TCF12: variants seen among roughly 807,000 people sequenced by gnomAD.
TCF12 encodes DNA-binding protein HTF4.
A neutral mutation model predicts 86.0 loss-of-function variants in TCF12; 45 were observed. That is an observed-to-expected ratio of 0.52 (90% CI 0.41 to 0.67). The LOEUF is 0.67. Among genes scored for constraint, TCF12 ranks in the 30% least tolerant of loss-of-function variants. TCF12 has a pLI of 0.00. For synonymous variants in TCF12, 330 were observed against 299.6 expected, an observed-to-expected ratio of 1.10 and a Z score of -1.05; for missense variants, 881 against 859.9, an observed-to-expected ratio of 1.02 and a Z score of -0.31.
chr15:57,222,966 AC>A (rs1464599207), intron 8 of TCF12, among the ~76,000 whole-genome samples: 1 of 151,694 alleles, frequency 6.6e-6, no homozygotes, highest in Admixed American at 6.6e-5. Flanking sequence ...GAGAAACAAC[AC>A]AGAAATCCAA....
chr15:57,203,020 A>C (rs746660768), intron 8 of TCF12, among the ~76,000 whole-genome samples: 2 of 152,258 alleles, frequency 1.3e-5, no homozygotes, highest in African/African-American at 4.8e-5. Context: ...TATATAAAAA[A>C]GGATAAGTAT....
chr15:57,034,419 C>G (rs2066381611), intron 3 of TCF12, among the ~76,000 whole-genome samples: 1 of 152,004 alleles, frequency 6.6e-6, no homozygotes, highest in Admixed American at 6.6e-5. Context: ...AATTTGCCAC[C>G]TGTGAAAGGG....
chr15:57,142,322 T>TAGATAGATAGAC (rs1567506268), intron 5 of TCF12, among the ~76,000 whole-genome samples: 2 of 151,902 alleles, frequency 1.3e-5, no homozygotes, highest in Admixed American at 1.3e-4. Flanking sequence ...GATAGATAGA[T>TAGATAGATAGAC]AGATAGATAG....
At chr15:56,918,353 C>CTTTTTA, upstream of TCF12, 1 of 425,740 alleles carries the variant, frequency 2.3e-6, no homozygotes, top group Non-Finnish European at 4.8e-6. Flanking sequence ...GAGGAGGCGC[C>CTTTTTA]ACGGTACCTG....
chr15:57,239,546 G>T (rs1310971090), intron 12 of TCF12, among the ~76,000 whole-genome samples: 1 of 146,644 alleles, frequency 6.8e-6, no homozygotes, highest in East Asian at 2.0e-4. Context: ...TTTGAGGACA[G>T]TAGTTCAGGG....
At chr15:57,155,124 G>A (rs540369051) in intron 5 of TCF12, among the ~76,000 whole-genome samples, 3 of 152,162 alleles carry the variant, frequency 2.0e-5, no homozygotes, top group South Asian at 2.1e-4. Flanking sequence ...TAGAGTCTTC[G>A]TTCATTACCA....
Position 57,072,476 on chromosome 15 carries a change from G to A in TCF12, c.222+8653G>A, listed in dbSNP as rs545245920. Among the ~76,000 whole-genome samples, 17 of 152,256 alleles carry A rather than the reference G, an allele frequency of 1.1e-4. No individual in the cohort carries two copies. The East Asian group carries it at 3.1e-3, about 28-fold the overall frequency. ...TTTGTCAGCATTGATGGGTAATAAA[G>A]ATTAGTGTTACTTTTTCTTCTCTAG... On this transcript the variant is annotated intron_variant, in intron 4 of 20. Transcript: ENST00000333725.
At chr15:57,156,002 G>A (rs1158620533) in intron 5 of TCF12, among the ~76,000 whole-genome samples, 1 of 152,058 alleles carries the variant, frequency 6.6e-6, no homozygotes, top group Non-Finnish European at 1.5e-5. Flanking sequence ...AAATTTCATT[G>A]ACATTTTGTT....
In TCF12 at chr15:57,236,326, A is replaced by G. The variant is rs113032015; in HGVS notation, c.1035+2219A>G. 4.7e-4 allele frequency among the ~76,000 whole-genome samples: 72 copies of G among 152,316 alleles called. 4 individuals carry two copies. Among genetic ancestry groups the G allele is most frequent in the African/African-American group, 1.7e-3 (70 of 41,574 alleles). Reference sequence around the variant, plus strand: ...TCAAAACGTACTGAAAAAGAAAAACATTACATTATCTGGGGATAGGAAGGA... The same window carrying G: ...TCAAAACGTACTGAAAAAGAAAAACGTTACATTATCTGGGGATAGGAAGGA... On this transcript the variant is annotated intron_variant, in intron 12 of 20. Coordinates refer to ENST00000333725, the MANE Select transcript of TCF12 (RefSeq NM_207037.2).
rs572129000 is a variant in TCF12 at position 57,233,549 on chromosome 15, T to C, written c.971-494T>C. Among the ~76,000 whole-genome samples, 5 of 152,138 alleles carry C rather than the reference T, an allele frequency of 3.3e-5. No homozygotes were observed. The South Asian group carries it at 1.0e-3, about 32-fold the overall frequency. On this transcript the variant is annotated intron_variant, in intron 11 of 20. Transcript: ENST00000333725. ...TCTCACTCTCTCAGCTCTCTCACTC[T>C]GTGGCTACAACCTCCGCCTCCAGGC... is the stretch of plus-strand genomic sequence containing the variant.
rs755075691 is a variant in TCF12 at position 57,252,492 on chromosome 15, G to C, written c.1260G>C (p.Glu420Asp). The change falls in exon 15 of 21, where the codon GAG (glutamate) becomes GAC (aspartate). Residue 420 changes from glutamate (E) to aspartate (D), a missense_variant and splice_region_variant. By Grantham distance (45) the Glu-to-Asp change is conservative. Transcript: ENST00000333725. ...DAMSFLKDVC[E>D]QSRMEDRLDR... ...TGTCCTTCTTAAAGGATGTCTGTGAGGTACTATTTCTTTTAGATGGTGCCT... is the reference window on the plus strand; with the variant it reads ...TGTCCTTCTTAAAGGATGTCTGTGACGTACTATTTCTTTTAGATGGTGCCT... 6.2e-7 allele frequency: 1 copy of C among 1,613,174 alleles called. No individual in the cohort carries two copies. Among genetic ancestry groups the C allele is most frequent in the South Asian group, 1.1e-5 (1 of 90,972 alleles).
At chr15:56,922,677 A>G (rs150205240) in intron 3 of TCF12, among the ~76,000 whole-genome samples, 12 of 152,032 alleles carry the variant, frequency 7.9e-5, no homozygotes, top group African/African-American at 2.9e-4. Context: ...TTGAACTTAC[A>G]CACCTGTAGT....
chr15:57,253,456 A>G lies in TCF12; in HGVS notation c.1455A>G (p.Arg485=). Residue 485 remains arginine, a synonymous_variant, in exon 16 of 21, where the codon CGA becomes CGG. Coordinates refer to ENST00000333725, the MANE Select transcript of TCF12 (RefSeq NM_207037.2). ...GATCAAGCCTTGTTGCAAGCAGTCGATCAGCTTCAATGGTAAAATCATGCT... is the reference window on the plus strand; with the variant it reads ...GATCAAGCCTTGTTGCAAGCAGTCGGTCAGCTTCAATGGTAAAATCATGCT... ...YGGSSLVASS[R]SASMVGTHRE... is the part of the protein sequence containing the mutation. 3.1e-6 allele frequency: 5 copies of G among 1,614,048 alleles called. No homozygotes were observed. The highest frequency in any genetic ancestry group is 8.5e-7 in the Non-Finnish European group (1 of 1,179,970).
Position 57,273,201 on chromosome 15 carries a change from A to G in TCF12, c.1917A>G (p.Thr639=), listed in dbSNP as rs2061225377. The G allele has an allele frequency of 6.2e-7, 1 of 1,614,210 alleles. No homozygotes were observed. The highest frequency in any genetic ancestry group is 8.5e-7 in the Non-Finnish European group (1 of 1,180,034). ...ACTTGAAGAGTGAAAAACCCCAAAC[A>G]AAACTCCTTATTCTTCATCAAGCCG... The part of the protein sequence containing the change: ...QLHLKSEKPQ[T]KLLILHQAVA... The change falls in exon 19 of 21, where the codon ACA becomes ACG. Residue 639 remains threonine (T), a synonymous_variant. Transcript: ENST00000333725.
chr15:56,966,120 G>C (rs1394462686), intron 3 of TCF12, among the ~76,000 whole-genome samples: 1 of 152,134 alleles, frequency 6.6e-6, no homozygotes, highest in Non-Finnish European at 1.5e-5. Flanking sequence ...TTTTACACTA[G>C]TGTGCATTTA....
At chr15:57,007,924 GTTTC>G (rs1239419927) in intron 3 of TCF12, among the ~76,000 whole-genome samples, 3 of 91,440 alleles carry the variant, frequency 3.3e-5, no homozygotes, top group Admixed American at 1.2e-4. Flanking sequence ...CTCTTTCTTT[GTTTC>G]TTTGTTTCTT....
intron 5 of TCF12, among the ~76,000 whole-genome samples, chr15:57,099,968 G>C (rs757402777): frequency 9.2e-5 from 14 of 151,988 alleles, no homozygotes; most frequent in Non-Finnish European, 2.1e-4. Flanking sequence ...CTTAAATCAA[G>C]TGGACCACCT....
chr15:57,096,162 G>A (rs1029058260), intron 5 of TCF12, among the ~76,000 whole-genome samples: 47 of 152,192 alleles, frequency 3.1e-4, no homozygotes, highest in African/African-American at 1.0e-3. Context: ...GTGGAAAAAC[G>A]GTTCCACAGT....
At chr15:57,140,914 G>T (rs1250372097) in intron 5 of TCF12, among the ~76,000 whole-genome samples, 1 of 151,946 alleles carries the variant, frequency 6.6e-6, no homozygotes, top group East Asian at 1.9e-4. Flanking sequence ...TCTCTGTCAA[G>T]GTATTGTCCA....
Sources: allele counts gnomAD v4.1 joint callset (sites outside exome capture counted in the v4.1 genomes callset), GRCh38; gene constraint gnomAD v4.1.1; transcripts MANE v1.5; gene names NCBI Gene and HGNC (gene_info 2026-07-23, HGNC 2026-07-21).